VPS29: variants seen among roughly 807,000 people sequenced by gnomAD.
VPS29 encodes the protein vacuolar protein sorting-associated protein 29.
In VPS29, 2 loss-of-function variants were observed where a neutral mutation model predicts 20.0. The ratio of observed to expected loss-of-function variants is 0.10; its 90% confidence interval spans 0.04 to 0.31. The LOEUF (loss-of-function observed/expected upper bound fraction) is 0.31. Among genes scored for constraint, VPS29 ranks in the 10% least tolerant of loss-of-function variants. VPS29 has a pLI of 1.00. For synonymous variants in VPS29, 81 were observed against 79.3 expected (o/e 1.02, Z -0.12); for missense variants, 120 against 215.3 (o/e 0.56, Z 2.77).
Position 110,492,080 on chromosome 12 carries a change from A to G in VPS29, c.474T>C (p.Ser158=), listed in dbSNP as rs750727644. ...PSFVLMDIQA[S]TVVTYVYQLI... ...GCTGATACACATAGGTGACCACTGT[A>G]GAAGCCTGGATATCCATCAACACAA... The change falls in exon 4 of 4, where the codon TCT becomes TCC. Residue 158 remains serine (S), a synonymous_variant. Coordinates refer to ENST00000549578, the MANE Select transcript of VPS29 (RefSeq NM_016226.5). 1.9e-6 allele frequency: 3 copies of G among 1,613,772 alleles called. No individual in the cohort carries two copies. Among genetic ancestry groups the G allele is most frequent in the Non-Finnish European group, 2.5e-6 (3 of 1,179,944 alleles).
chr12:110,493,670 T>C (rs1273015825), intron 2 of VPS29, among the ~76,000 whole-genome samples: 1 of 152,162 alleles, frequency 6.6e-6, no homozygotes, highest in Non-Finnish European at 1.5e-5. Flanking sequence ...CCCACATTTA[T>C]AAATATTTTA....
chr12:110,501,522 T>C, intron 1 of VPS29: 1 of 1,535,384 alleles, frequency 6.5e-7, no homozygotes, highest in Non-Finnish European at 8.7e-7. Context: ...CAGCTAGATG[T>C]TATTTCAGGA....
intron 2 of VPS29, among the ~76,000 whole-genome samples, chr12:110,494,597 C>T (rs2062872937): frequency 6.6e-6 from 1 of 151,868 alleles, no homozygotes; most frequent in Non-Finnish European, 1.5e-5. Flanking sequence ...TTATGCTACA[C>T]CATACAATGT....
Position 110,492,129 on chromosome 12 carries a change from GA to G in VPS29, c.432-8del. ...AAATGATGGAATAATGTTTCTAGAA[GA>G]AAAAATAAATAATGTCAGTGTTTTG... On this transcript the variant is annotated splice_region_variant and splice_polypyrimidine_tract_variant and intron_variant, in intron 3 of 3. Transcript: ENST00000549578. 6.3e-7 allele frequency: 1 copy of G among 1,593,014 alleles called. No individual in the cohort carries two copies. The highest frequency in any genetic ancestry group is 8.6e-7 in the Non-Finnish European group (1 of 1,165,604).
intron 1 of VPS29, among the ~76,000 whole-genome samples, chr12:110,498,287 C>T (rs2062941283): frequency 6.6e-6 from 1 of 152,124 alleles, no homozygotes; most frequent in Non-Finnish European, 1.5e-5. Context: ...GAATCAGTTT[C>T]TTCATGTTGA....
At chr12:110,495,560 T>C (rs1334746458) in intron 2 of VPS29, among the ~76,000 whole-genome samples, 1 of 150,456 alleles carries the variant, frequency 6.6e-6, no homozygotes, top group Non-Finnish European at 1.5e-5. Flanking sequence ...AAAAAAAAAA[T>C]AGCTGGATGT....
intron 1 of VPS29, chr12:110,499,685 A>G (rs978801824): frequency 6.2e-6 from 4 of 642,944 alleles, no homozygotes; most frequent in Non-Finnish European, 1.1e-5. Flanking sequence ...ATGAGCAAAC[A>G]ATTGTTAATG....
chr12:110,497,099 G>T (rs960372868), intron 1 of VPS29: 1 of 151,616 alleles, frequency 6.6e-6, no homozygotes, highest in Non-Finnish European at 1.5e-5. Context: ...TTAGCATAAG[G>T]TGGTTTAGAG....
chr12:110,501,826 C>A, intron 1 of VPS29: 1 of 1,220,260 alleles, frequency 8.2e-7, no homozygotes, highest in Non-Finnish European at 1.2e-6. Flanking sequence ...TGGCCTCTGG[C>A]CCCTTGGGGC....
chr12:110,493,519 C>G lies in VPS29; in HGVS notation c.196-288G>C, dbSNP rs141649927. 6.8e-3 allele frequency among the ~76,000 whole-genome samples: 1,042 copies of G among 152,142 alleles called. 1 individual carries two copies. Among genetic ancestry groups the G allele is most frequent in the Non-Finnish European group, 9.3e-3 (635 of 67,998 alleles). ...GGATTACAGGCACCCGCCACCACGC[C>G]CGCCTAATTTTTTTGTATTTTTAGT... On this transcript the variant is annotated intron_variant, in intron 2 of 3. Coordinates refer to ENST00000549578, the MANE Select transcript of VPS29 (RefSeq NM_016226.5).
At chr12:110,499,517 C>T (rs1388092833) in intron 1 of VPS29, 7 of 1,611,898 alleles carry the variant, frequency 4.3e-6, no homozygotes, top group Non-Finnish European at 5.9e-6. Context: ...TTAGTAGGAG[C>T]TAAGTGAAGA....
intron 1 of VPS29, among the ~76,000 whole-genome samples, chr12:110,500,049 A>C (rs2135598129): frequency 6.6e-6 from 1 of 152,356 alleles, no homozygotes; most frequent in Non-Finnish European, 1.5e-5. Context: ...AGTAGCTGGA[A>C]AATTATGCTG....
intron 1 of VPS29, 127 bp downstream of exon 1, chr12:110,501,922 C>T (rs1250595206): frequency 1.9e-6 from 3 of 1,583,740 alleles, no homozygotes; most frequent in East Asian, 2.3e-5. Flanking sequence ...CCCAGGCCAG[C>T]GCCTGGGCCC....
In VPS29 at chr12:110,492,150, G is replaced by A. The variant is rs563713658; in HGVS notation, c.432-28C>T. ...AGAAGAAAAAATAAATAATGTCAGT[G>A]TTTTGTAGCACAAAGCAGCAGCACT... On this transcript the variant is annotated intron_variant, in intron 3 of 3. Transcript: ENST00000549578. The A allele has an allele frequency of 2.6e-6, 4 of 1,521,646 alleles. No homozygotes were observed. The Admixed American group carries it at 6.9e-5, about 26-fold the overall frequency. The allele number at this position is 1,521,646 out of a possible 1,614,324, so 94.3% of individuals were successfully genotyped here.
chr12:110,498,939 AAAG>A lies in VPS29; in HGVS notation c.4-2739_4-2737del, dbSNP rs1014259098. 35 of 640,704 alleles carry A rather than the reference AAAG, an allele frequency of 5.5e-5. 1 individual carries two copies. The highest frequency in any genetic ancestry group is 8.0e-4 in the Middle Eastern group (1 of 1,256). 39.7% of individuals were successfully genotyped at this position (640,704 alleles called of 1,614,324 possible). A position where few individuals can be genotyped will look rare whatever the true frequency, so the allele number is the denominator to read the frequency against. On this transcript the variant is annotated intron_variant, in intron 1 of 3. Transcript: ENST00000549578. The stretch of plus-strand genomic sequence containing the variant: ...TAAAAATAATAGATTTCTATATTTA[AAAG>A]AAGAAGAAGAACAACAACAACAACC...
intron 1 of VPS29, chr12:110,501,647 A>C: frequency 6.6e-6 from 10 of 1,525,908 alleles, no homozygotes; most frequent in South Asian, 1.2e-5. Context: ...CTACACCCCA[A>C]CCAGCGGGAG....
At chr12:110,493,425 T>C (rs2062851142) in intron 2 of VPS29, among the ~76,000 whole-genome samples, 194 bp from the exon 3 acceptor site, 1 of 151,470 alleles carries the variant, frequency 6.6e-6, no homozygotes, top group South Asian at 2.1e-4. Flanking sequence ...AGTGGTACCA[T>C]CTTGGCTCAC....
chr12:110,496,960 G>T (rs1427497572), intron 1 of VPS29: 1 of 151,742 alleles, frequency 6.6e-6, no homozygotes, highest in Non-Finnish European at 1.5e-5. Context: ...TATTTTTATG[G>T]TCTGGATTAA....
chr12:110,492,722 A>G (rs2062838141), intron 3 of VPS29, among the ~76,000 whole-genome samples: 1 of 151,440 alleles, frequency 6.6e-6, no homozygotes, highest in Non-Finnish European at 1.5e-5. Context: ...CCTAGGCTCA[A>G]GTGATCATCC....
Sources: gnomAD v4.1 joint callset for allele counts (sites outside exome capture counted in the v4.1 genomes callset) on GRCh38, gnomAD v4.1.1 for gene constraint, MANE v1.5 for transcripts, NCBI Gene and HGNC (gene_info 2026-07-23, HGNC 2026-07-21) for gene names.